Variants in CHERP observed in about 807,000 individuals in gnomAD.
The protein encoded by CHERP is ERPROT 213-21.
A neutral mutation model predicts 113.8 loss-of-function variants in CHERP; 8 were observed. That is an observed-to-expected ratio of 0.07 (90% CI 0.04 to 0.13). The LOEUF (loss-of-function observed/expected upper bound fraction) is 0.13. Ranked by LOEUF, CHERP falls within the 10% of genes least tolerant of loss-of-function variation. The pLI is 1.00. For missense variants in CHERP, 884 were observed against 1,298.2 expected (o/e 0.68, Z 4.90); for synonymous variants, 559 against 524.5 (o/e 1.07, Z -0.90).
Position 16,528,749 on chromosome 19 carries a change from C to T in CHERP, c.1130-494G>A, listed in dbSNP as rs181373904. Among the ~76,000 whole-genome samples, 51 of 152,232 alleles carry T rather than the reference C, an allele frequency of 3.4e-4. No homozygotes were observed. The East Asian group carries it at 4.3e-3, about 13-fold the overall frequency. ...TGGGTGGATCCCAAGGTCAGGAGATCGAGACCATCCTGGCTAACACGGTGA... is the reference window on the plus strand; with the variant it reads ...TGGGTGGATCCCAAGGTCAGGAGATTGAGACCATCCTGGCTAACACGGTGA... On this transcript the variant is annotated intron_variant, in intron 8 of 16. Transcript: ENST00000546361.
chr19:16,535,324 A>G lies in CHERP; in HGVS notation c.384+128T>C. On this transcript the variant is annotated intron_variant, in intron 3 of 16. Coordinates refer to ENST00000546361, the MANE Select transcript of CHERP (RefSeq NM_006387.6). The surrounding 1 kb of genome is among the most constrained non-coding windows in gnomAD (Gnocchi z 4.3). The stretch of plus-strand genomic sequence containing the variant: ...CTGGGGGTGACAGTGGCTGACATGC[A>G]CCGAGCCCTGGGTGGCAGGGGGGGC... 1.0e-6 allele frequency: 1 copy of G among 968,662 alleles called. No homozygotes were observed. Among genetic ancestry groups the G allele is most frequent in the Non-Finnish European group, 1.5e-6 (1 of 651,770 alleles). The allele number at this position is 968,662 out of a possible 1,614,324, so 60.0% of individuals were successfully genotyped here.
Position 16,530,710 on chromosome 19 carries a change from G to C in CHERP, c.787-36C>G, listed in dbSNP as rs1330032703. On this transcript the variant is annotated intron_variant, in intron 6 of 16. Transcript: ENST00000546361. This position sits in a 1 kb window ranked among gnomAD's most constrained non-coding sequence, Gnocchi z 4.1. The stretch of plus-strand genomic sequence containing the variant: ...GAGGAGAGAGAGGCCGGGTCAGTGG[G>C]GAGGGGAAAGGCCTGTGTGTCCCGG... 6.2e-7 allele frequency: 1 copy of C among 1,613,982 alleles called. No homozygotes were observed. The highest frequency in any genetic ancestry group is 1.7e-5 in the Admixed American group (1 of 60,030).
Position 16,521,738 on chromosome 19 carries a change from GC to G in CHERP, c.1981-85del, listed in dbSNP as rs776953905. On this transcript the variant is annotated intron_variant, in intron 11 of 16. Transcript: ENST00000546361. ...AGGGTCTGCAAGGAGTGGGGTCAGG[GC>G]AGGGCCCAGGTTCAGTGTCAAGGGT... is the stretch of plus-strand genomic sequence containing the variant. 1.7e-4 allele frequency: 223 copies of G among 1,341,378 alleles called. 1 individual carries two copies. The highest frequency in any genetic ancestry group is 2.1e-4 in the Non-Finnish European group (211 of 1,010,036). 83.1% of individuals were successfully genotyped at this position (1,341,378 alleles called of 1,614,324 possible). A position where few individuals can be genotyped will look rare whatever the true frequency, so the allele number is the denominator to read the frequency against.
At position 16,530,037 on chromosome 19, in the gene CHERP, G is replaced by A; in HGVS notation, c.877-137C>T. ...GGACAGGGAACCGTCACGTGAAACA[G>A]CCAACACAGTCTGGGCAATCAGTGT... On this transcript the variant is annotated intron_variant, in intron 7 of 16. Transcript: ENST00000546361. This position sits in a 1 kb window ranked among gnomAD's most constrained non-coding sequence, Gnocchi z 4.1. 1 of 1,140,408 alleles carries A rather than the reference G, an allele frequency of 8.8e-7. No individual in the cohort carries two copies. The highest frequency in any genetic ancestry group is 1.2e-6 in the Non-Finnish European group (1 of 813,254). The allele number at this position is 1,140,408 out of a possible 1,614,324, so 70.6% of individuals were successfully genotyped here. A position where few individuals can be genotyped will look rare whatever the true frequency, so the allele number is the denominator to read the frequency against.
chr19:16,533,588 C>G (rs1283951190), intron 3 of CHERP, among the ~76,000 whole-genome samples: 2 of 152,022 alleles, frequency 1.3e-5, no homozygotes, highest in Non-Finnish European at 2.9e-5. Context: ...GAAACCTCAT[C>G]TCTACAAAAA....
rs1369273274 is a variant in CHERP at position 16,523,268 on chromosome 19, G to A, written c.1764C>T (p.His588=). The change falls in exon 11 of 17, where the codon CAC becomes CAT. Residue 588 remains histidine (H), a synonymous_variant. Coordinates refer to ENST00000546361, the MANE Select transcript of CHERP (RefSeq NM_006387.6). This position sits in a 1 kb window ranked among gnomAD's most constrained non-coding sequence, Gnocchi z 4.0. ...CAGGATGAGGCATGCGGTGGCCAGG[G>A]TGGTGGTGAGGGGGCCCCATTTCTG... ...FPAEMGPPHH[H]PGHRMPHPGI... The A allele has an allele frequency of 8.1e-6, 13 of 1,603,394 alleles. No individual in the cohort carries two copies. The highest frequency in any genetic ancestry group is 1.7e-5 in the Admixed American group (1 of 58,218).
At chr19:16,531,487 G>A (rs991347167) in intron 5 of CHERP, among the ~76,000 whole-genome samples, 1 of 152,212 alleles carries the variant, frequency 6.6e-6, no homozygotes, top group Non-Finnish European at 1.5e-5. Context: ...CGCTGCGCAG[G>A]GAGATGGCTG....
chr19:16,521,439 G>A, intron 12 of CHERP, 82 bp downstream of exon 12: 1 of 1,350,002 alleles, frequency 7.4e-7, no homozygotes, highest in Non-Finnish European at 9.8e-7. Context: ...ACATTTTCTA[G>A]CCTGGACAGA....
Position 16,532,959 on chromosome 19 carries a change from C to G in CHERP, c.522+52G>C, listed in dbSNP as rs2085716901. ...CCAGATTGGCTACGACAGGCCCTGCCTCAGGGAGGGACCAAGGGAAAGCTG... is the reference window on the plus strand; with the variant it reads ...CCAGATTGGCTACGACAGGCCCTGCGTCAGGGAGGGACCAAGGGAAAGCTG... On this transcript the variant is annotated intron_variant, in intron 4 of 16. Coordinates refer to ENST00000546361, the MANE Select transcript of CHERP (RefSeq NM_006387.6). This position sits in a 1 kb window ranked among gnomAD's most constrained non-coding sequence, Gnocchi z 4.4. 6.4e-7 allele frequency: 1 copy of G among 1,552,474 alleles called. No homozygotes were observed. Among genetic ancestry groups the G allele is most frequent in the African/African-American group, 1.4e-5 (1 of 73,384 alleles).
intron 2 of CHERP, chr19:16,541,607 C>T (rs1378121555): frequency 2.4e-6 from 1 of 420,698 alleles, no homozygotes. Flanking sequence ...TAATCTCCGT[C>T]ATCAGTCTGC....
At chr19:16,522,941 A>G (rs2085630255) in intron 11 of CHERP, 111 bp downstream of exon 11, 4 of 1,283,166 alleles carry the variant, frequency 3.1e-6, no homozygotes, top group Non-Finnish European at 4.2e-6. Context: ...GGAGTGGGAG[A>G]TGAAGGGGAG....
At chr19:16,537,628 C>T (rs1311090025) in intron 2 of CHERP, among the ~76,000 whole-genome samples, 4 of 152,112 alleles carry the variant, frequency 2.6e-5, no homozygotes, top group Admixed American at 6.5e-5. Context: ...CTCCCAGTGA[C>T]GAGCCACATA....
intron 9 of CHERP, among the ~76,000 whole-genome samples, chr19:16,527,358 CTG>C (rs1457567973): frequency 6.6e-6 from 1 of 152,200 alleles, no homozygotes; most frequent in Non-Finnish European, 1.5e-5. Context: ...TGTCCTGAAG[CTG>C]GGGATGGGAG....
Position 16,520,755 on chromosome 19 carries a change from G to A in CHERP, c.2201+71C>T. 7.0e-7 allele frequency: 1 copy of A among 1,431,238 alleles called. No homozygotes were observed. Among genetic ancestry groups the A allele is most frequent in the South Asian group, 1.1e-5 (1 of 87,406 alleles). 88.7% of individuals were successfully genotyped at this position (1,431,238 alleles called of 1,614,324 possible). A position where few individuals can be genotyped will look rare whatever the true frequency, so the allele number is the denominator to read the frequency against. ...GAGGGTGGACGTGATGAGTGTATCT[G>A]GGGTCTGCTCCCACCCATCACAAGC... On this transcript the variant is annotated intron_variant, in intron 13 of 16. Coordinates refer to ENST00000546361, the MANE Select transcript of CHERP (RefSeq NM_006387.6). This position sits in a 1 kb window ranked among gnomAD's most constrained non-coding sequence, Gnocchi z 4.0.
At position 16,525,285 on chromosome 19, in the gene CHERP, G is replaced by C. The variant is rs755567566; in HGVS notation, c.1698C>G (p.Pro566=). 6.2e-6 allele frequency: 9 copies of C among 1,446,672 alleles called. No homozygotes were observed. Among genetic ancestry groups the C allele is most frequent in the Non-Finnish European group, 8.2e-6 (9 of 1,097,834 alleles). 89.6% of individuals were successfully genotyped at this position (1,446,672 alleles called of 1,614,324 possible). Reference sequence around the variant, plus strand: ...GGGGGTAGTCGAAGCGGTGGGGATAGGGCGGCCGCTCGAAGGGGTGCCGTG... The same window carrying C: ...GGGGGTAGTCGAAGCGGTGGGGATACGGCGGCCGCTCGAAGGGGTGCCGTG... ...FPPRHPFERP[P]YPHRFDYPQG... Residue 566 remains proline (P), a synonymous_variant, in exon 10 of 17, where the codon CCC becomes CCG. Coordinates refer to ENST00000546361, the MANE Select transcript of CHERP (RefSeq NM_006387.6). This position sits in a 1 kb window ranked among gnomAD's most constrained non-coding sequence, Gnocchi z 6.5.
chr19:16,519,036 G>A lies in CHERP; in HGVS notation c.*123C>T, dbSNP rs1455634663. The stretch of plus-strand genomic sequence containing the variant: ...GCGCTGGTCTTCCTTCTCTTCCTGT[G>A]GCTCTCCACAAGTGGAGACGGTGTA... On this transcript the variant is annotated 3_prime_UTR_variant, in exon 17 of 17. Coordinates refer to ENST00000546361, the MANE Select transcript of CHERP (RefSeq NM_006387.6). The surrounding 1 kb of genome is among the most constrained non-coding windows in gnomAD (Gnocchi z 6.0). 2.2e-6 allele frequency: 2 copies of A among 891,442 alleles called. No individual in the cohort carries two copies. The highest frequency in any genetic ancestry group is 2.8e-5 in the Admixed American group (1 of 36,356). The allele number at this position is 891,442 out of a possible 1,614,324, so 55.2% of individuals were successfully genotyped here.
rs927394282 is a variant in CHERP at position 16,530,147 on chromosome 19, A to G, written c.877-247T>C. Reference sequence around the variant, plus strand: ...CTCCCTGATAACAGAACGAGCAACGACAGCCGTGTCCTGGCCGCTTCGTGG... The same window carrying G: ...CTCCCTGATAACAGAACGAGCAACGGCAGCCGTGTCCTGGCCGCTTCGTGG... On this transcript the variant is annotated intron_variant, in intron 7 of 16. Coordinates refer to ENST00000546361, the MANE Select transcript of CHERP (RefSeq NM_006387.6). This position sits in a 1 kb window ranked among gnomAD's most constrained non-coding sequence, Gnocchi z 4.1. 1.3e-5 allele frequency among the ~76,000 whole-genome samples: 2 copies of G among 152,220 alleles called. No homozygotes were observed. Among genetic ancestry groups the G allele is most frequent in the Non-Finnish European group, 2.9e-5 (2 of 68,042 alleles).
At position 16,519,881 on chromosome 19, in the gene CHERP, AGG is replaced by A. The variant is rs750562129; in HGVS notation, c.2463-168_2463-167del. On this transcript the variant is annotated intron_variant, in intron 15 of 16. Coordinates refer to ENST00000546361, the MANE Select transcript of CHERP (RefSeq NM_006387.6). The surrounding 1 kb of genome is among the most constrained non-coding windows in gnomAD (Gnocchi z 6.0). Reference sequence around the variant, plus strand: ...CCGTTTATCCTGTCTCAGCTAGATAAGGGGGCTCCAGACGCTGGCCCCCACCC... The same window carrying A: ...CCGTTTATCCTGTCTCAGCTAGATAAGGGCTCCAGACGCTGGCCCCCACCC... 26 of 694,278 alleles carry A rather than the reference AGG, an allele frequency of 3.7e-5. No individual in the cohort carries two copies. Among genetic ancestry groups the A allele is most frequent in the Non-Finnish European group, 6.3e-5 (25 of 398,038 alleles). The allele number at this position is 694,278 out of a possible 1,614,324, so 43.0% of individuals were successfully genotyped here.
chr19:16,522,011 C>T (rs951673090), intron 11 of CHERP, among the ~76,000 whole-genome samples: 2 of 152,236 alleles, frequency 1.3e-5, no homozygotes, highest in Non-Finnish European at 2.9e-5. Context: ...CTACCCTGGG[C>T]CCCCGCTCAG....
Sources: gnomAD v4.1 joint callset for allele counts (sites outside exome capture counted in the v4.1 genomes callset) on GRCh38, gnomAD v4.1.1 for gene constraint, Gnocchi (gnomAD v3.1) non-coding constraint, MANE v1.5 for transcripts, NCBI Gene and HGNC (gene_info 2026-07-23, HGNC 2026-07-21) for gene names.